The following FIP1L1 variants were observed in gnomAD, a reference collection of about 807,000 sequenced individuals.
FIP1L1 encodes pre-mRNA 3'-end-processing factor FIP1.
In FIP1L1, 21 loss-of-function variants were observed where a neutral mutation model predicts 84.6. That is an observed-to-expected ratio of 0.25 (90% CI 0.18 to 0.36). The LOEUF (loss-of-function observed/expected upper bound fraction) is 0.36. Among genes scored for constraint, FIP1L1 ranks in the 10% least tolerant of loss-of-function variants. FIP1L1 has a pLI of 1.00. For synonymous variants in FIP1L1, 263 were observed against 242.3 expected, an observed-to-expected ratio of 1.09 and a Z score of -0.80; for missense variants, 526 against 751.1, an observed-to-expected ratio of 0.70 and a Z score of 3.50.
At chr4:53,378,957 C>T (rs1390483132) in intron 1 of FIP1L1, 116 bp from the exon 2 acceptor site, 7 of 993,654 alleles carry the variant, frequency 7.0e-6, no homozygotes, top group African/African-American at 1.6e-5. Context: ...TGGAAATCTT[C>T]ATTACCTCTT....
chr4:53,415,536 T>G lies in FIP1L1; in HGVS notation c.923+814T>G, dbSNP rs1166758330. On this transcript the variant is annotated intron_variant, in intron 11 of 17. Transcript: ENST00000337488. ...GGGGTAATTTTGTTTTTTGTTTTTT[T>G]TTTTGCTTTTGTTAGAGAATTTTAA... is the stretch of plus-strand genomic sequence containing the variant. Among the ~76,000 whole-genome samples the G allele has an allele frequency of 3.3e-5, 5 of 151,540 alleles. No individual in the cohort carries two copies. In the East Asian group the frequency reaches 9.6e-4, roughly 29 times the overall value.
At chr4:53,407,803 A>T (rs920180109) in intron 10 of FIP1L1, among the ~76,000 whole-genome samples, 2 of 152,038 alleles carry the variant, frequency 1.3e-5, no homozygotes, top group African/African-American at 2.4e-5. Context: ...TTTATCAGAG[A>T]CTAGGACTGC....
intron 11 of FIP1L1, 24 bp downstream of exon 11, chr4:53,414,746 A>G (rs753316369): frequency 5.7e-6 from 8 of 1,404,856 alleles, no homozygotes; most frequent in Non-Finnish European, 8.1e-6. Flanking sequence ...TAAACATTGG[A>G]TACTCCCTGA....
intron 13 of FIP1L1, among the ~76,000 whole-genome samples, chr4:53,436,981 G>C (rs1399718347): frequency 6.6e-6 from 1 of 152,040 alleles, no homozygotes; most frequent in Admixed American, 6.6e-5. Flanking sequence ...CTTGAGTTCA[G>C]GAGTTCGAGA....
At chr4:53,424,876 C>T (rs1763718638) in intron 11 of FIP1L1, among the ~76,000 whole-genome samples, 1 of 152,078 alleles carries the variant, frequency 6.6e-6, no homozygotes, top group African/African-American at 2.4e-5. Flanking sequence ...TCACTTTGGA[C>T]CATGGCTTGT....
intron 3 of FIP1L1, 46 bp from the exon 4 acceptor site, chr4:53,382,232 C>T: frequency 7.2e-7 from 1 of 1,380,782 alleles, no homozygotes; most frequent in Non-Finnish European, 1.0e-6. Context: ...ATCTGTACTT[C>T]CGAAAAGTAA....
chr4:53,417,642 CAAAAAAAAAAAAAAAAA>C, intron 11 of FIP1L1, among the ~76,000 whole-genome samples: 1 of 46,352 alleles, frequency 2.2e-5, no homozygotes, highest in Admixed American at 3.8e-4. Flanking sequence ...AACTCCTTCT[CAAAAAAAAAAAAAAAAA>C]AAAAAAAGAA....
intron 13 of FIP1L1, among the ~76,000 whole-genome samples, chr4:53,437,826 A>G (rs1455277628): frequency 6.6e-6 from 1 of 151,922 alleles, no homozygotes; most frequent in Non-Finnish European, 1.5e-5. Context: ...CCTGGGTTCA[A>G]ACGATTCTCC....
chr4:53,383,381 G>T (rs1442028117), intron 4 of FIP1L1, among the ~76,000 whole-genome samples: 2 of 152,210 alleles, frequency 1.3e-5, no homozygotes, highest in African/African-American at 4.8e-5. Context: ...ACAGAGTGGG[G>T]CCGGGCATGG....
chr4:53,392,299 A>C (rs1744655417), intron 9 of FIP1L1, among the ~76,000 whole-genome samples: 1 of 152,226 alleles, frequency 6.6e-6, no homozygotes, highest in Non-Finnish European at 1.5e-5. Context: ...ACTTTAGTGG[A>C]CTGGAAAGAG....
chr4:53,420,211 A>AAAAAAAAAAC, intron 11 of FIP1L1, among the ~76,000 whole-genome samples: 4 of 146,772 alleles, frequency 2.7e-5, no homozygotes, highest in African/African-American at 1.0e-4. Context: ...AAAAAAAAAA[A>AAAAAAAAAAC]AAAAAAAAAA....
In FIP1L1 at chr4:53,397,627, CCAAA is replaced by C. The variant is rs957806972; in HGVS notation, c.706-2099_706-2096del. On this transcript the variant is annotated intron_variant, in intron 9 of 17. Transcript: ENST00000337488. ...ATAAGTGATAACCTCTCAGTGTAAACCAAACAATCTGTAAATAGTCTGGAATATC... is the reference window on the plus strand; with the variant it reads ...ATAAGTGATAACCTCTCAGTGTAAACCAATCTGTAAATAGTCTGGAATATC... Among the ~76,000 whole-genome samples the C allele has an allele frequency of 2.7e-4, 41 of 152,302 alleles. 1 individual carries two copies. Among genetic ancestry groups the C allele is most frequent in the African/African-American group, 8.9e-4 (37 of 41,554 alleles).
At chr4:53,450,131 A>G (rs1236043857) in intron 15 of FIP1L1, among the ~76,000 whole-genome samples, 3 of 151,856 alleles carry the variant, frequency 2.0e-5, no homozygotes, top group Admixed American at 6.6e-5. Context: ...GTGTTCTTAT[A>G]TTGGAGACTT....
intron 10 of FIP1L1, among the ~76,000 whole-genome samples, chr4:53,408,019 G>A (rs1754716773): frequency 6.6e-6 from 1 of 152,168 alleles, no homozygotes. Context: ...TGTTATGTAT[G>A]AATTTGATCC....
At chr4:53,408,634 A>G (rs1022388071) in intron 10 of FIP1L1, among the ~76,000 whole-genome samples, 3 of 152,190 alleles carry the variant, frequency 2.0e-5, no homozygotes, top group Non-Finnish European at 2.9e-5. Context: ...AGGTACACCA[A>G]TCAGATGTAG....
At chr4:53,403,314 A>C (rs974666072) in intron 10 of FIP1L1, among the ~76,000 whole-genome samples, 1 of 152,176 alleles carries the variant, frequency 6.6e-6, no homozygotes, top group African/African-American at 2.4e-5. Context: ...TACCTGTAGT[A>C]TGTTACAATA....
At chr4:53,389,300 T>C (rs980425242) in intron 5 of FIP1L1, among the ~76,000 whole-genome samples, 1 of 152,196 alleles carries the variant, frequency 6.6e-6, no homozygotes, top group Non-Finnish European at 1.5e-5. Flanking sequence ...TTACTTATGC[T>C]TAAGAGTGCT....
intron 13 of FIP1L1, among the ~76,000 whole-genome samples, chr4:53,437,873 A>G (rs1321501884): frequency 2.0e-5 from 3 of 151,844 alleles, no homozygotes; most frequent in Non-Finnish European, 2.9e-5. Flanking sequence ...CTACAGGTGC[A>G]TGCCACCATG....
At chr4:53,412,101 A>G (rs1444662306) in intron 10 of FIP1L1, among the ~76,000 whole-genome samples, 1 of 152,120 alleles carries the variant, frequency 6.6e-6, no homozygotes, top group African/African-American at 2.4e-5. Flanking sequence ...AGTACAAATA[A>G]CTTCCATATA....
Sources: gnomAD v4.1 joint callset for allele counts (sites outside exome capture counted in the v4.1 genomes callset) on GRCh38, gnomAD v4.1.1 for gene constraint, MANE v1.5 for transcripts, NCBI Gene and HGNC (gene_info 2026-07-23, HGNC 2026-07-21) for gene names.